CRTC1: variants seen among roughly 807,000 people sequenced by gnomAD.
The protein encoded by CRTC1 is CREB-regulated transcription coactivator 1.
In CRTC1, 18 loss-of-function variants were observed where a neutral mutation model predicts 66.1. That is an observed-to-expected ratio of 0.27 (90% confidence interval 0.19 to 0.40). CRTC1 has a LOEUF of 0.40. Ranked by LOEUF, CRTC1 falls within the 10% of genes least tolerant of loss-of-function variation. The pLI is 1.00. For synonymous variants in CRTC1, 416 were observed against 398.8 expected (o/e 1.04, Z -0.51); for missense variants, 669 against 887.9 (o/e 0.75, Z 3.13).
rs1399915355 is a variant in CRTC1 at position 18,741,991 on chromosome 19, C to T, written c.127-919C>T. 1.3e-5 allele frequency among the ~76,000 whole-genome samples: 2 copies of T among 152,150 alleles called. No individual in the cohort carries two copies. Among genetic ancestry groups the T allele is most frequent in the African/African-American group, 2.4e-5 (1 of 41,424 alleles). ...TGTCCACCCTAGCAACCGCCCCTGC[C>T]GGGCCAGAGTGGACAACCACCCCTC... On this transcript the variant is annotated intron_variant, in intron 1 of 13. Coordinates refer to ENST00000321949, the MANE Select transcript of CRTC1 (RefSeq NM_015321.3). This position sits in a 1 kb window ranked among gnomAD's most constrained non-coding sequence, Gnocchi z 4.2.
chr19:18,712,286 G>T (rs565018797), intron 1 of CRTC1, among the ~76,000 whole-genome samples: 1 of 149,262 alleles, frequency 6.7e-6, no homozygotes, highest in South Asian at 2.1e-4. Context: ...TGAGACAGGA[G>T]CTCACTCCGT....
At chr19:18,731,270 T>C (rs2053882543) in intron 1 of CRTC1, among the ~76,000 whole-genome samples, 1 of 152,216 alleles carries the variant, frequency 6.6e-6, no homozygotes, top group Non-Finnish European at 1.5e-5. Context: ...GGCTGGTTCC[T>C]CCTGAGGCCA....
rs146689201 is a variant in CRTC1 at position 18,686,986 on chromosome 19, T to A, written c.126+3158T>A. 2.3e-3 allele frequency among the ~76,000 whole-genome samples: 343 copies of A among 150,388 alleles called. 3 individuals are homozygous for A. The highest frequency in any genetic ancestry group is 7.9e-3 in the African/African-American group (322 of 40,822). ...TCGTGTGGAATAATCTGGCCCCAGA[T>A]GTCGGCAGTGCCAAGACTGAGAAAC... On this transcript the variant is annotated intron_variant, in intron 1 of 13. Transcript: ENST00000321949.
intron 1 of CRTC1, among the ~76,000 whole-genome samples, chr19:18,705,964 TC>T (rs920450263): frequency 2.9e-5 from 4 of 140,192 alleles, no homozygotes; most frequent in African/African-American, 1.1e-4. Context: ...CCTCTCTCTC[TC>T]TCTTTTTTTT....
chr19:18,738,343 G>T (rs1395893911), intron 1 of CRTC1, among the ~76,000 whole-genome samples: 1 of 152,014 alleles, frequency 6.6e-6, no homozygotes, highest in Non-Finnish European at 1.5e-5. Context: ...TAAATAAATA[G>T]AAGTAAAAAC....
Position 18,777,299 on chromosome 19 carries a change from G to A in CRTC1, c.1822G>A (p.Asp608Asn). The A allele has an allele frequency of 6.2e-7, 1 of 1,611,918 alleles. No homozygotes were observed. Among genetic ancestry groups the A allele is most frequent in the Non-Finnish European group, 8.5e-7 (1 of 1,179,972 alleles). The change falls in exon 14 of 14, where the codon GAC (aspartate) becomes AAC (asparagine). Residue 608 changes from aspartate to asparagine, a missense_variant. Transcript: ENST00000321949. This position sits in a 1 kb window ranked among gnomAD's most constrained non-coding sequence, Gnocchi z 5.5. The part of the protein sequence containing the change: ...DELKIDPLTL[D>N]GLHMLNDPDM... ...ACTCAAGATCGACCCCCTGACCCTC[G>A]ACGGACTGCACATGCTCAACGACCC... is the stretch of plus-strand genomic sequence containing the variant.
rs529900916 is a variant in CRTC1, at chr19:18,718,803, C to T, written c.127-24107C>T. 2.6e-5 allele frequency among the ~76,000 whole-genome samples: 4 copies of T among 152,222 alleles called. No individual in the cohort carries two copies. In the East Asian group the frequency reaches 7.7e-4, roughly 29 times the overall value. On this transcript the variant is annotated intron_variant, in intron 1 of 13. Coordinates refer to ENST00000321949, the MANE Select transcript of CRTC1 (RefSeq NM_015321.3). ...ATTGTCTTCATTTCGTGGGGGCATC[C>T]GTCCAGGAGTGGGATTGCTTGGTCA...
chr19:18,773,645 C>G (rs955706643), intron 11 of CRTC1, among the ~76,000 whole-genome samples: 1 of 152,224 alleles, frequency 6.6e-6, no homozygotes, highest in African/African-American at 2.4e-5. Flanking sequence ...AGCTTGCGGT[C>G]CTTGTTTCCA....
At chr19:18,769,674 G>A (rs1340530209) in intron 10 of CRTC1, among the ~76,000 whole-genome samples, 1 of 152,108 alleles carries the variant, frequency 6.6e-6, no homozygotes, top group Non-Finnish European at 1.5e-5. Context: ...CCTGGGGGAG[G>A]CTCCCAAGGT....
chr19:18,774,540 C>T (rs1008124896), intron 11 of CRTC1, among the ~76,000 whole-genome samples: 1 of 152,242 alleles, frequency 6.6e-6, no homozygotes, highest in African/African-American at 2.4e-5. Context: ...CACTTCCCGC[C>T]TTGGCCCTGG....
chr19:18,759,955 C>CCCCCCCCCCCCGT, intron 7 of CRTC1, 53 bp from the exon 8 acceptor site: 1 of 1,410,134 alleles, frequency 7.1e-7, no homozygotes, highest in Non-Finnish European at 9.7e-7. Flanking sequence ...CTGTCCCCGC[C>CCCCCCCCCCCCGT]GCCAGCCCCG....
rs759647508 is a variant in CRTC1 at position 18,760,212 on chromosome 19, C to A, written c.870C>A (p.Ile290=). The A allele has an allele frequency of 1.2e-6, 2 of 1,605,266 alleles. No individual in the cohort carries two copies. The highest frequency in any genetic ancestry group is 1.7e-6 in the Non-Finnish European group (2 of 1,176,450). The change falls in exon 8 of 14, where the codon ATC becomes ATA. Residue 290 remains isoleucine (I), a synonymous_variant. Transcript: ENST00000321949. This position sits in a 1 kb window ranked among gnomAD's most constrained non-coding sequence, Gnocchi z 6.2. ...CGGCCAACCTGACGCACCTGGGCAT[C>A]GGTGGCGCCGGCCAGGGTAAGGCAG... is the stretch of plus-strand genomic sequence containing the variant. ...NLAANLTHLG[I]GGAGQGMSTP...
At chr19:18,724,160 C>T (rs569000372) in intron 1 of CRTC1, among the ~76,000 whole-genome samples, 61 of 152,288 alleles carry the variant, frequency 4.0e-4, no homozygotes, top group Admixed American at 3.1e-3. Context: ...GCAGCATCGA[C>T]ACGGCTCCCT....
At chr19:18,715,747 G>T (rs34281600) in intron 1 of CRTC1, among the ~76,000 whole-genome samples, 2,306 of 152,354 alleles carry the variant, frequency 0.015, 23 homozygotes, top group Non-Finnish European at 0.024. Flanking sequence ...AGTGCTGTTT[G>T]CACGTGCAGG....
chr19:18,768,631 A>G lies in CRTC1; in HGVS notation c.1158A>G (p.Pro386=). The change falls in exon 10 of 14, where the codon CCA becomes CCG. Residue 386 remains proline, a synonymous_variant. Coordinates refer to ENST00000321949, the MANE Select transcript of CRTC1 (RefSeq NM_015321.3). The surrounding 1 kb of genome is among the most constrained non-coding windows in gnomAD (Gnocchi z 5.6). The stretch of plus-strand genomic sequence containing the variant: ...AGCAGCCACCACCCCCGCCACCCCC[A>G]CAGGCGCCCGTCCGCCTGCCCCCTG... ...ASQQPPPPPP[P]QAPVRLPPGG... 1 of 620,814 alleles carries G rather than the reference A, an allele frequency of 1.6e-6. No homozygotes were observed. The highest frequency in any genetic ancestry group is 2.0e-6 in the Non-Finnish European group (1 of 504,612). The allele number at this position is 620,814 out of a possible 1,614,324, so 38.5% of individuals were successfully genotyped here. A position where few individuals can be genotyped will look rare whatever the true frequency, so the allele number is the denominator to read the frequency against.
At chr19:18,773,970 G>A (rs1601019190) in intron 11 of CRTC1, among the ~76,000 whole-genome samples, 2 of 152,206 alleles carry the variant, frequency 1.3e-5, no homozygotes, top group Non-Finnish European at 2.9e-5. Flanking sequence ...GAGGGCCAGG[G>A]CTTTGGGTCT....
At position 18,777,552 on chromosome 19, in the gene CRTC1, A is replaced by C; in HGVS notation, c.*170A>C. ...GGTTGTCCACCTCCCGCGAAGCCCAATCGCGAGGCCGCGAGCCGGGCCGTC... is the reference window on the plus strand; with the variant it reads ...GGTTGTCCACCTCCCGCGAAGCCCACTCGCGAGGCCGCGAGCCGGGCCGTC... On this transcript the variant is annotated 3_prime_UTR_variant, in exon 14 of 14. Coordinates refer to ENST00000321949, the MANE Select transcript of CRTC1 (RefSeq NM_015321.3). The surrounding 1 kb of genome is among the most constrained non-coding windows in gnomAD (Gnocchi z 5.5). 43 of 612,192 alleles carry C rather than the reference A, an allele frequency of 7.0e-5. No homozygotes were observed. Among genetic ancestry groups the C allele is most frequent in the Middle Eastern group, 4.4e-4 (1 of 2,250 alleles). The allele number at this position is 612,192 out of a possible 1,614,324, so 37.9% of individuals were successfully genotyped here.
chr19:18,777,419 A>C lies in CRTC1; in HGVS notation c.*37A>C. On this transcript the variant is annotated 3_prime_UTR_variant, in exon 14 of 14. Coordinates refer to ENST00000321949, the MANE Select transcript of CRTC1 (RefSeq NM_015321.3). The surrounding 1 kb of genome is among the most constrained non-coding windows in gnomAD (Gnocchi z 5.5). ...GGCACCCTGCCGCTCAGCCGTCCCG[A>C]CGGCGCCTCCCCAGCCCGGGGACGG... 6.4e-7 allele frequency: 1 copy of C among 1,574,112 alleles called. No homozygotes were observed. The highest frequency in any genetic ancestry group is 8.6e-7 in the Non-Finnish European group (1 of 1,157,840).
chr19:18,713,745 C>T (rs1480967123), intron 1 of CRTC1, among the ~76,000 whole-genome samples: 1 of 152,238 alleles, frequency 6.6e-6, no homozygotes, highest in Non-Finnish European at 1.5e-5. Context: ...GAAGCAAAGG[C>T]CCAAGTATAT....
Sources: allele counts gnomAD v4.1 joint callset (sites outside exome capture counted in the v4.1 genomes callset), GRCh38; gene constraint gnomAD v4.1.1; non-coding constraint Gnocchi (gnomAD v3.1); transcripts MANE v1.5; gene names NCBI Gene and HGNC (gene_info 2026-07-23, HGNC 2026-07-21).